Variants in IPP observed in about 807,000 individuals in gnomAD.
The protein encoded by IPP is actin-binding protein IPP.
IPP carries 41 observed loss-of-function variants against 64.1 expected under a neutral mutation model. The ratio of observed to expected loss-of-function variants is 0.64; its 90% CI spans 0.50 to 0.83. The LOEUF (loss-of-function observed/expected upper bound fraction) is 0.83, where lower values mean the gene tolerates loss of function less well. Ranked by LOEUF, IPP falls within the 40% of genes least tolerant of loss-of-function variation. IPP has a pLI of 0.00. For synonymous variants in IPP, 214 were observed against 235.2 expected (o/e 0.91, Z 0.83); for missense variants, 649 against 703.0 (o/e 0.92, Z 0.87).
At chr1:45,741,777 C>T (rs1448879525) in intron 2 of IPP, among the ~76,000 whole-genome samples, 3 of 126,148 alleles carry the variant, frequency 2.4e-5, no homozygotes, top group African/African-American at 8.5e-5. Context: ...TACAGGCGCC[C>T]GCCACTGCGC....
In IPP at chr1:45,719,218, C is replaced by A. The variant is rs1645699813; in HGVS notation, c.1171G>T (p.Ala391Ser). The A allele has an allele frequency of 6.2e-7, 1 of 1,613,906 alleles. No individual in the cohort carries two copies. The highest frequency in any genetic ancestry group is 8.5e-7 in the Non-Finnish European group (1 of 1,179,914). ...CGLGVCVCYG[A>S]IYALGGWVGA... ...ACATAATTACCCAAAGCATAGATAG[C>A]CCCATAACACACACACACTCCTAAG... Residue 391 changes from alanine to serine, a missense_variant, in exon 6 of 9, where the codon GCT becomes TCT. Physicochemically the swap from Ala to Ser is moderately conservative, Grantham distance 99 (BLOSUM62 1). Transcript: ENST00000396478.
Position 45,746,178 on chromosome 1 carries a change from T to C in IPP, c.234A>G (p.Val78=). ...GGMKESSKDV[V]PILGIEAGIF... is the part of the protein sequence containing the mutation. ...TTCCTGCTTCAATTCCTAGAATCGG[T>C]ACAACATCTTTTGAGGACTCTTTCA... The change falls in exon 2 of 9, where the codon GTA becomes GTG. Residue 78 remains valine (V), a synonymous_variant. Transcript: ENST00000396478. 6.2e-7 allele frequency: 1 copy of C among 1,614,138 alleles called. No homozygotes were observed.
chr1:45,723,328 TAA>T (rs1645759059), intron 5 of IPP, among the ~76,000 whole-genome samples: 1 of 152,182 alleles, frequency 6.6e-6, no homozygotes, highest in South Asian at 2.1e-4. Context: ...TAAAAGTATT[TAA>T]AAGTTATATA....
intron 3 of IPP, among the ~76,000 whole-genome samples, chr1:45,730,517 A>G (rs1645892904): frequency 6.6e-6 from 1 of 152,242 alleles, no homozygotes; most frequent in South Asian, 2.1e-4. Flanking sequence ...AATGATAGAC[A>G]AAGCAAGAAA....
intron 3 of IPP, among the ~76,000 whole-genome samples, chr1:45,732,359 C>A (rs1476505732): frequency 9.3e-5 from 2 of 21,416 alleles, no homozygotes. Flanking sequence ...GAGACTCCAC[C>A]TCAAAAAAAA....
intron 2 of IPP, among the ~76,000 whole-genome samples, chr1:45,742,520 C>T (rs1646080402): frequency 1.3e-5 from 2 of 152,150 alleles, no homozygotes; most frequent in South Asian, 4.1e-4. Flanking sequence ...TAAAACGCCA[C>T]ATAATGTTCA....
chr1:45,739,833 T>A (rs1371770257), intron 3 of IPP, among the ~76,000 whole-genome samples: 1 of 151,918 alleles, frequency 6.6e-6, no homozygotes, highest in East Asian at 1.9e-4. Context: ...TCTTTTTTTT[T>A]TTTTTTTTAA....
chr1:45,714,198 C>G, intron 8 of IPP, 48 bp downstream of exon 8: 1 of 1,302,040 alleles, frequency 7.7e-7, no homozygotes, highest in African/African-American at 1.5e-5. Context: ...ATCTTACAGA[C>G]ATTAAAAGAA....
At chr1:45,718,782 G>C (rs1417107626) in intron 6 of IPP, among the ~76,000 whole-genome samples, 1 of 151,122 alleles carries the variant, frequency 6.6e-6, no homozygotes, top group Non-Finnish European at 1.5e-5. Context: ...TTCTTTGTGG[G>C]ATCTAAAAAT....
chr1:45,722,030 C>A (rs1324764142), intron 5 of IPP, among the ~76,000 whole-genome samples: 1 of 152,068 alleles, frequency 6.6e-6, no homozygotes, highest in Non-Finnish European at 1.5e-5. Flanking sequence ...GATCACGCCA[C>A]TGCACTACAG....
At chr1:45,745,594 C>T (rs1022355044) in intron 2 of IPP, among the ~76,000 whole-genome samples, 22 of 151,994 alleles carry the variant, frequency 1.4e-4, no homozygotes, top group Admixed American at 1.4e-3. Context: ...CGCAGTGGCT[C>T]ACGCCTGTAA....
intron 5 of IPP, among the ~76,000 whole-genome samples, chr1:45,724,327 C>G (rs969620892): frequency 2.6e-5 from 4 of 151,398 alleles, no homozygotes; most frequent in African/African-American, 7.3e-5. Flanking sequence ...GATCTCGGCT[C>G]GCTACAACCA....
In IPP at chr1:45,710,225, A is replaced by C. The variant is rs1476832700; in HGVS notation, c.1530+4021T>G. On this transcript the variant is annotated intron_variant, in intron 8 of 8. Coordinates refer to ENST00000396478, the MANE Select transcript of IPP (RefSeq NM_005897.3). ...GGCGAAAGAGAGCAAGACTCTGTCTAAAAAAAAAAAAAAAAAGAGAGAAGC... is the reference window on the plus strand; with the variant it reads ...GGCGAAAGAGAGCAAGACTCTGTCTCAAAAAAAAAAAAAAAAGAGAGAAGC... 3.4e-3 allele frequency among the ~76,000 whole-genome samples: 301 copies of C among 89,410 alleles called. 1 individual carries two copies. Among genetic ancestry groups the C allele is most frequent in the Non-Finnish European group, 4.6e-3 (214 of 47,008 alleles). 58.7% of individuals were successfully genotyped at this position (89,410 alleles called of 152,430 possible).
At position 45,699,512 on chromosome 1, in the gene IPP, TAGG is replaced by T. The variant is rs1245117733; in HGVS notation, c.*451_*453del. ...AAATAATTTCTACAAATTTGTAAAA[TAGG>T]AGTTGTCTACACTTAAACTGGAGAA... On this transcript the variant is annotated 3_prime_UTR_variant, in exon 9 of 9. Coordinates refer to ENST00000396478, the MANE Select transcript of IPP (RefSeq NM_005897.3). The T allele has an allele frequency of 1.0e-6, 1 of 987,986 alleles. No individual in the cohort carries two copies. The highest frequency in any genetic ancestry group is 1.2e-6 in the Non-Finnish European group (1 of 831,576). 61.2% of individuals were successfully genotyped at this position (987,986 alleles called of 1,614,324 possible).
chr1:45,741,424 G>GT (rs1344215687), intron 2 of IPP, 92 bp from the exon 3 acceptor site: 24 of 865,772 alleles, frequency 2.8e-5, no homozygotes, highest in Non-Finnish European at 3.9e-5. Flanking sequence ...TTCACTGATA[G>GT]TTTGATGCCT....
chr1:45,694,658 G>C (rs1301890074), downstream of IPP: 2 of 577,584 alleles, frequency 3.5e-6, no homozygotes, highest in African/African-American at 3.8e-5. Context: ...GCAGTGTCAT[G>C]AGGGAAAGCC....
In IPP at chr1:45,712,875, A is replaced by AT. The variant is rs1460849825; in HGVS notation, c.1530+1370_1530+1371insA. Among the ~76,000 whole-genome samples the AT allele has an allele frequency of 1.5e-3, 212 of 143,998 alleles. 2 individuals are homozygous for AT. Among genetic ancestry groups the AT allele is most frequent in the East Asian group, 5.3e-3 (26 of 4,936 alleles). The allele number at this position is 143,998 out of a possible 152,430, so 94.5% of individuals were successfully genotyped here. ...TCTCAAAAAAAAAAAGAAAAAAAAA[A>AT]AAAATATATATATATATACACACCA... On this transcript the variant is annotated intron_variant, in intron 8 of 8. Transcript: ENST00000396478.
chr1:45,695,238 C>T (rs925568198), downstream of IPP, among the ~76,000 whole-genome samples: 2 of 152,176 alleles, frequency 1.3e-5, no homozygotes, highest in Admixed American at 6.5e-5. Flanking sequence ...GGTCATGGCT[C>T]ACTGCAGCCT....
chr1:45,721,303 A>G (rs1032237123), intron 5 of IPP, among the ~76,000 whole-genome samples: 14 of 152,208 alleles, frequency 9.2e-5, no homozygotes, highest in Admixed American at 9.2e-4. Context: ...AACTGTACAA[A>G]CAATGTGGTT....
Sources: allele counts gnomAD v4.1 joint callset (sites outside exome capture counted in the v4.1 genomes callset), GRCh38; gene constraint gnomAD v4.1.1; transcripts MANE v1.5; gene names NCBI Gene and HGNC (gene_info 2026-07-23, HGNC 2026-07-21).